Variants in OR9Q1 observed in about 807,000 individuals in gnomAD.
OR9Q1 encodes olfactory receptor family 9 subfamily Q member 1, also known as olfactory receptor 9Q1.
For missense variants in OR9Q1, 374 were observed against 378.8 expected (o/e 0.99, Z 0.11); for synonymous variants, 153 against 148.6 (o/e 1.03, Z -0.22).
intron 1 of OR9Q1, among the ~76,000 whole-genome samples, chr11:58,039,366 C>G (rs538425029): frequency 6.6e-6 from 1 of 152,302 alleles, no homozygotes; most frequent in East Asian, 1.9e-4. Context: ...TTTGGCCAGC[C>G]TTGTCAAGGT....
rs192604225 is a variant in OR9Q1, at chr11:58,122,143, A to G, written c.-14-57288A>G. Among the ~76,000 whole-genome samples, 29 of 152,310 alleles carry G rather than the reference A, an allele frequency of 1.9e-4. No homozygotes were observed. In the East Asian group the frequency reaches 4.1e-3, roughly 21 times the overall value. ...TGACTGCTTTATTCACTACATGGGT[A>G]GAGAGAGACAAGCAGCACACACTTT... On this transcript the variant is annotated intron_variant, in intron 2 of 2. Coordinates refer to ENST00000335397, the MANE Select transcript of OR9Q1 (RefSeq NM_001005212.4).
At chr11:58,084,861 A>G (rs889586872) in intron 2 of OR9Q1, among the ~76,000 whole-genome samples, 12 of 151,816 alleles carry the variant, frequency 7.9e-5, no homozygotes, top group African/African-American at 2.7e-4. Flanking sequence ...AGCTGGAACC[A>G]TTCCCCTTGA....
intron 2 of OR9Q1, among the ~76,000 whole-genome samples, chr11:58,162,381 A>G (rs952469695): frequency 2.0e-5 from 3 of 152,216 alleles, no homozygotes; most frequent in Admixed American, 2.0e-4. Flanking sequence ...CTAACTTGCA[A>G]CAGTAGCAAG....
intron 2 of OR9Q1, among the ~76,000 whole-genome samples, chr11:58,081,706 T>C (rs1198047570): frequency 6.6e-6 from 1 of 152,134 alleles, no homozygotes; most frequent in Non-Finnish European, 1.5e-5. Flanking sequence ...TCTTTGTAGA[T>C]TCTGGATATT....
chr11:58,119,831 A>G (rs1451793497), intron 2 of OR9Q1, among the ~76,000 whole-genome samples: 1 of 152,120 alleles, frequency 6.6e-6, no homozygotes, highest in African/African-American at 2.4e-5. Flanking sequence ...CCATCTGCAA[A>G]CAGTTCCACC....
chr11:58,133,834 G>A (rs1399730065), intron 2 of OR9Q1, among the ~76,000 whole-genome samples: 1 of 152,156 alleles, frequency 6.6e-6, no homozygotes, highest in African/African-American at 2.4e-5. Context: ...GTCTAAAATA[G>A]AACAATCTCC....
At chr11:58,128,529 AT>A (rs1854110956) in intron 2 of OR9Q1, among the ~76,000 whole-genome samples, 1 of 152,198 alleles carries the variant, frequency 6.6e-6, no homozygotes, top group Non-Finnish European at 1.5e-5. Flanking sequence ...TTTGAACAGT[AT>A]CTCACAGCTT....
chr11:58,111,693 A>G (rs548327949), intron 2 of OR9Q1, among the ~76,000 whole-genome samples: 1 of 152,298 alleles, frequency 6.6e-6, no homozygotes, highest in East Asian at 1.9e-4. Flanking sequence ...TCATGCCTTC[A>G]GCCTGGGTTG....
At chr11:58,034,074 CTTTTTTTTTT>C (rs61109050) in intron 1 of OR9Q1, among the ~76,000 whole-genome samples, 8 of 61,116 alleles carry the variant, frequency 1.3e-4, no homozygotes, top group East Asian at 7.7e-4. Context: ...TCAGCACTTG[CTTTTTTTTTT>C]TTTTTTTTTT....
At chr11:58,130,129 G>GT (rs1290464974) in intron 2 of OR9Q1, among the ~76,000 whole-genome samples, 1 of 152,028 alleles carries the variant, frequency 6.6e-6, no homozygotes, top group African/African-American at 2.4e-5. Flanking sequence ...ACAGCTCTTG[G>GT]TTTACACTAG....
At chr11:58,138,510 G>C (rs1854210332) in intron 2 of OR9Q1, among the ~76,000 whole-genome samples, 2 of 152,178 alleles carry the variant, frequency 1.3e-5, no homozygotes, top group Non-Finnish European at 2.9e-5. Context: ...TGTTTACTCT[G>C]TATTAAAAGT....
chr11:58,088,019 C>T (rs1315220644), intron 2 of OR9Q1, among the ~76,000 whole-genome samples: 1 of 151,852 alleles, frequency 6.6e-6, no homozygotes, highest in Non-Finnish European at 1.5e-5. Context: ...TCCCGAGTAT[C>T]TGGGATTACA....
chr11:58,118,746 G>T (rs2120127461), intron 2 of OR9Q1: 1 of 1,614,042 alleles, frequency 6.2e-7, no homozygotes, highest in Non-Finnish European at 8.5e-7. Context: ...TCTTGGCCCT[G>T]CCACCTGAAG....
intron 2 of OR9Q1, among the ~76,000 whole-genome samples, chr11:58,074,062 T>G (rs1476450252): frequency 6.6e-6 from 1 of 152,186 alleles, no homozygotes; most frequent in Non-Finnish European, 1.5e-5. Flanking sequence ...TTGATGGGCA[T>G]TTGGGTTTGC....
intron 2 of OR9Q1, among the ~76,000 whole-genome samples, chr11:58,070,566 C>T (rs1227554713): frequency 6.6e-6 from 1 of 152,130 alleles, no homozygotes; most frequent in African/African-American, 2.4e-5. Context: ...CCTCCAGGAC[C>T]ACCCTACTAT....
chr11:58,160,480 G>A (rs1228690393), intron 2 of OR9Q1, among the ~76,000 whole-genome samples: 1 of 151,270 alleles, frequency 6.6e-6, no homozygotes, highest in Non-Finnish European at 1.5e-5. Flanking sequence ...TGTTGTTAGA[G>A]GTAGAGTCTT....
chr11:58,147,345 C>G (rs1473206961), intron 2 of OR9Q1, among the ~76,000 whole-genome samples: 1 of 152,142 alleles, frequency 6.6e-6, no homozygotes, highest in African/African-American at 2.4e-5. Context: ...ATCAACTACT[C>G]CTTCTTAAGG....
At chr11:58,119,389 T>C in intron 2 of OR9Q1, 4 of 1,613,820 alleles carry the variant, frequency 2.5e-6, no homozygotes, top group Non-Finnish European at 3.4e-6. Context: ...TTTGGGGTGG[T>C]CCATAAAGCC....
intron 2 of OR9Q1, among the ~76,000 whole-genome samples, chr11:58,156,256 T>C (rs1438814540): frequency 1.3e-5 from 2 of 152,138 alleles, no homozygotes; most frequent in Non-Finnish European, 2.9e-5. Context: ...TTCATCTTGA[T>C]TTATAAAGCC....
Sources: gnomAD v4.1 joint callset for allele counts (sites outside exome capture counted in the v4.1 genomes callset) on GRCh38, gnomAD v4.1.1 for gene constraint, MANE v1.5 for transcripts, NCBI Gene and HGNC (gene_info 2026-07-23, HGNC 2026-07-21) for gene names.